The following ARHGAP20 variants were observed in gnomAD, a reference collection of about 807,000 sequenced individuals.
ARHGAP20 encodes rho GTPase-activating protein 20.
ARHGAP20 carries 34 observed loss-of-function variants against 73.7 expected under a neutral mutation model. That is an observed-to-expected ratio of 0.46 (90% CI 0.35 to 0.61). ARHGAP20 has a LOEUF of 0.61. ARHGAP20 is among the 20% of genes least tolerant of loss of function. The probability of loss-of-function intolerance (pLI) is 0.00; values close to 1 mark genes in which losing one functional copy is unlikely to be tolerated. For missense variants in ARHGAP20, 1,314 were observed against 1,420.9 expected, an observed-to-expected ratio of 0.92 and a Z score of 1.21; for synonymous variants, 523 against 518.2, an observed-to-expected ratio of 1.01 and a Z score of -0.13.
chr11:110,659,012 A>G (rs1481105988), intron 2 of ARHGAP20, among the ~76,000 whole-genome samples: 2 of 151,952 alleles, frequency 1.3e-5, no homozygotes, highest in African/African-American at 2.4e-5. Flanking sequence ...TAATGCCGCA[A>G]TAAACATACG....
chr11:110,652,158 T>C (rs563605705), intron 2 of ARHGAP20, among the ~76,000 whole-genome samples: 26 of 152,142 alleles, frequency 1.7e-4, no homozygotes, highest in Non-Finnish European at 3.5e-4. Flanking sequence ...TCTCAATATA[T>C]GTAGAAAAGG....
At chr11:110,612,048 T>C (rs1302973485) in intron 6 of ARHGAP20, among the ~76,000 whole-genome samples, 1 of 152,204 alleles carries the variant, frequency 6.6e-6, no homozygotes, top group Non-Finnish European at 1.5e-5. Flanking sequence ...TATTATCAAC[T>C]CTGCCAATGA....
intron 9 of ARHGAP20, among the ~76,000 whole-genome samples, chr11:110,602,626 A>G (rs1948137132): frequency 6.6e-6 from 1 of 152,226 alleles, no homozygotes; most frequent in Non-Finnish European, 1.5e-5. Context: ...GTGTGCTTGC[A>G]GTAGATTAAG....
rs560407631 is a variant in ARHGAP20, at chr11:110,669,060, G to GA, written c.188+21486dup. ...GAAGGAAATTTTGACTTTGGATATA[G>GA]AAAAAAATTAAATAGAACACAGAAT... On this transcript the variant is annotated intron_variant, in intron 2 of 14. Coordinates refer to ENST00000683387, the MANE Select transcript of ARHGAP20 (RefSeq NM_001384657.1). Among the ~76,000 whole-genome samples the GA allele has an allele frequency of 3.8e-3, 582 of 152,002 alleles. 2 individuals are homozygous for GA. The highest frequency in any genetic ancestry group is 6.8e-3 in the Non-Finnish European group (464 of 67,948).
At position 110,606,620 on chromosome 11, in the gene ARHGAP20, T is replaced by G; in HGVS notation, c.905A>C (p.Glu302Ala). 1 of 1,612,920 alleles carries G rather than the reference T, an allele frequency of 6.2e-7. No homozygotes were observed. The highest frequency in any genetic ancestry group is 8.5e-7 in the Non-Finnish European group (1 of 1,179,640). The change falls in exon 9 of 15, where the codon GAG becomes GCG. Residue 302 changes from glutamate (E) to alanine (A), a missense_variant. Physicochemically the swap from Glu to Ala is moderately radical, Grantham distance 107. Coordinates refer to ENST00000683387, the MANE Select transcript of ARHGAP20 (RefSeq NM_001384657.1). ...EPFLMEQLPR[E>A]MQCQFILKPS... The stretch of plus-strand genomic sequence containing the variant: ...CTTCAGGATGAACTGGCACTGCATC[T>G]CTCGGGGGAGCTGTTCCATAAGGAA...
rs537560382 is a variant in ARHGAP20 at position 110,662,933 on chromosome 11, A to G, written c.188+27614T>C. ...CCAAGAACATCTTGTCATATTAAAA[A>G]TACTCTTTTAAGCAATCCTGTATAC... On this transcript the variant is annotated intron_variant, in intron 2 of 14. Coordinates refer to ENST00000683387, the MANE Select transcript of ARHGAP20 (RefSeq NM_001384657.1). Among the ~76,000 whole-genome samples, 10 of 152,106 alleles carry G rather than the reference A, an allele frequency of 6.6e-5. No individual in the cohort carries two copies. In the East Asian group the frequency reaches 1.7e-3, roughly 26 times the overall value.
At chr11:110,611,801 G>A (rs972866225) in intron 6 of ARHGAP20, among the ~76,000 whole-genome samples, 2 of 141,084 alleles carry the variant, frequency 1.4e-5, no homozygotes, top group African/African-American at 5.5e-5. Flanking sequence ...TTCTTCCTTA[G>A]TAGTGTTTTC....
At chr11:110,681,107 C>T (rs571763271) in intron 2 of ARHGAP20, among the ~76,000 whole-genome samples, 45 of 152,256 alleles carry the variant, frequency 3.0e-4, no homozygotes, top group Admixed American at 5.9e-4. Context: ...AACCTCACAA[C>T]GTATTGTCCA....
intron 2 of ARHGAP20, among the ~76,000 whole-genome samples, chr11:110,684,202 G>T (rs886064141): frequency 3.3e-5 from 5 of 152,218 alleles, no homozygotes; most frequent in African/African-American, 1.2e-4. Flanking sequence ...TTTGAGAGAA[G>T]GCTAGAGAGT....
At chr11:110,664,002 T>A (rs1485662461) in intron 2 of ARHGAP20, among the ~76,000 whole-genome samples, 1 of 152,206 alleles carries the variant, frequency 6.6e-6, no homozygotes, top group Non-Finnish European at 1.5e-5. Context: ...AATCATATGA[T>A]CATCTCAATA....
chr11:110,590,022 G>A (rs1321070663), intron 11 of ARHGAP20, among the ~76,000 whole-genome samples: 1 of 151,674 alleles, frequency 6.6e-6, no homozygotes, highest in Non-Finnish European at 1.5e-5. Context: ...TCAGGAGGCT[G>A]AGGCAGGAGA....
At chr11:110,677,856 C>A (rs1949963927) in intron 2 of ARHGAP20, among the ~76,000 whole-genome samples, 2 of 151,930 alleles carry the variant, frequency 1.3e-5, no homozygotes, top group Non-Finnish European at 1.5e-5. Context: ...ACCGTAAGAC[C>A]CAACAATTCC....
chr11:110,609,148 G>A, intron 7 of ARHGAP20, 98 bp from the exon 8 acceptor site: 1 of 985,262 alleles, frequency 1.0e-6, no homozygotes, highest in South Asian at 1.4e-5. Context: ...CCTCCCTCCT[G>A]CCCCCTACCC....
intron 2 of ARHGAP20, among the ~76,000 whole-genome samples, chr11:110,649,846 T>C (rs1309452072): frequency 6.6e-6 from 1 of 152,146 alleles, no homozygotes; most frequent in South Asian, 2.1e-4. Context: ...TTTTAAAATC[T>C]AGTTTTACTA....
intron 1 of ARHGAP20, among the ~76,000 whole-genome samples, chr11:110,693,732 T>C (rs532858567): frequency 2.8e-4 from 43 of 152,034 alleles, no homozygotes; most frequent in African/African-American, 1.0e-3. Flanking sequence ...TTTACAACTA[T>C]GTGAAATACA....
chr11:110,670,282 A>C (rs1352126546), intron 2 of ARHGAP20, among the ~76,000 whole-genome samples: 1 of 152,144 alleles, frequency 6.6e-6, no homozygotes, highest in Non-Finnish European at 1.5e-5. Flanking sequence ...GAAAAGCTAC[A>C]AAACTAGAAG....
chr11:110,652,327 A>G (rs1198928666), intron 2 of ARHGAP20, among the ~76,000 whole-genome samples: 1 of 152,178 alleles, frequency 6.6e-6, no homozygotes, highest in Non-Finnish European at 1.5e-5. Flanking sequence ...AAACCAGCAC[A>G]TGACAATGAT....
At chr11:110,627,694 TA>T (rs1948775138) in intron 3 of ARHGAP20, among the ~76,000 whole-genome samples, 1 of 152,238 alleles carries the variant, frequency 6.6e-6, no homozygotes. Context: ...TCTCATAAAA[TA>T]TGATAATAGT....
At position 110,590,764 on chromosome 11, in the gene ARHGAP20, T is replaced by C. The variant is rs1417995744; in HGVS notation, c.1189A>G (p.Ile397Val). The change falls in exon 11 of 15, where the codon ATC becomes GTC. Residue 397 changes from isoleucine to valine, a missense_variant. By Grantham distance (29) the Ile-to-Val change is conservative. Coordinates refer to ENST00000683387, the MANE Select transcript of ARHGAP20 (RefSeq NM_001384657.1). Reference protein sequence around the residue: ...LNQKGPLTKGIFRQSANVKSC... With the variant: ...LNQKGPLTKGVFRQSANVKSC... ...TTCACATTGGCTGATTGCCTGAAGA[T>C]ACCTTTGGTGAGAGGTCCTTTTTGA... 1.9e-6 allele frequency: 3 copies of C among 1,613,922 alleles called. No individual in the cohort carries two copies. Among genetic ancestry groups the C allele is most frequent in the Non-Finnish European group, 2.5e-6 (3 of 1,180,006 alleles).
Sources: gnomAD v4.1 joint callset for allele counts (sites outside exome capture counted in the v4.1 genomes callset) on GRCh38, gnomAD v4.1.1 for gene constraint, MANE v1.5 for transcripts, NCBI Gene and HGNC (gene_info 2026-07-23, HGNC 2026-07-21) for gene names.